The following CDH18 variants were observed in gnomAD, a reference collection of about 807,000 sequenced individuals.
CDH18 encodes cadherin 18.
In CDH18, 31 loss-of-function variants were observed where a neutral mutation model predicts 67.9. That is an observed-to-expected ratio of 0.46 (90% CI 0.34 to 0.62). The LOEUF (loss-of-function observed/expected upper bound fraction) is 0.62. Ranked by LOEUF, CDH18 falls within the 20% of genes least tolerant of loss-of-function variation. CDH18 has a pLI of 0.01. For missense variants in CDH18, 890 were observed against 975.5 expected (o/e 0.91, Z 1.17); for synonymous variants, 362 against 347.2 (o/e 1.04, Z -0.48).
At chr5:19,988,381 C>A (rs991526005), upstream of CDH18, among the ~76,000 whole-genome samples, 1 of 152,024 alleles carries the variant, frequency 6.6e-6, no homozygotes, top group Non-Finnish European at 1.5e-5. Context: ...TTCTCCCCCC[C>A]AACCCCCCAC....
intron 1 of CDH18, among the ~76,000 whole-genome samples, chr5:20,444,403 G>A (rs1749848679): frequency 6.6e-6 from 1 of 152,174 alleles, no homozygotes; most frequent in Non-Finnish European, 1.5e-5. Context: ...GGGTGTGGTG[G>A]CAGGTGCCTG....
chr5:19,634,570 T>C (rs1056527721), intron 5 of CDH18, among the ~76,000 whole-genome samples: 1 of 152,176 alleles, frequency 6.6e-6, no homozygotes, highest in African/African-American at 2.4e-5. Flanking sequence ...ATTTTTCTTA[T>C]TGTTTTATGT....
chr5:19,992,461 A>C (rs1465533551), upstream of CDH18, among the ~76,000 whole-genome samples: 1 of 151,906 alleles, frequency 6.6e-6, no homozygotes, highest in Non-Finnish European at 1.5e-5. Flanking sequence ...AAAAAAAAAA[A>C]AAACAACTGT....
chr5:20,504,898 G>C (rs910307590), intron 1 of CDH18, among the ~76,000 whole-genome samples: 20 of 150,984 alleles, frequency 1.3e-4, no homozygotes, highest in Non-Finnish European at 2.8e-4. Context: ...CTCCTGAGTA[G>C]CTGGGACTAC....
At chr5:20,095,588 GGAAGAAA>G (rs989788559) in intron 2 of CDH18, among the ~76,000 whole-genome samples, 2 of 142,232 alleles carry the variant, frequency 1.4e-5, no homozygotes, top group African/African-American at 5.2e-5. Context: ...AAGGAAGAAA[GGAAGAAA>G]GAAGAAAGAA....
intron 2 of CDH18, among the ~76,000 whole-genome samples, chr5:20,156,459 T>C (rs1165907935): frequency 1.3e-5 from 2 of 152,162 alleles, no homozygotes; most frequent in African/African-American, 4.8e-5. Context: ...CCCATTATCC[T>C]AAGAGAAATA....
At chr5:19,933,808 T>C (rs1793958081) in intron 2 of CDH18, among the ~76,000 whole-genome samples, 1 of 151,444 alleles carries the variant, frequency 6.6e-6, no homozygotes, top group South Asian at 2.1e-4. Context: ...CTTAAAATGG[T>C]GAAAAGGACC....
chr5:19,957,117 G>A lies in CDH18; in HGVS notation c.-257+23943C>T, dbSNP rs561087503. On this transcript the variant is annotated intron_variant, in intron 2 of 12. Transcript: ENST00000382275. Reference sequence around the variant, plus strand: ...GCAAAGTCCTTTTTGTATGTTTCACGTCCCATAGAATTGAGCATCTCTAAT... The same window carrying A: ...GCAAAGTCCTTTTTGTATGTTTCACATCCCATAGAATTGAGCATCTCTAAT... 3.8e-4 allele frequency among the ~76,000 whole-genome samples: 58 copies of A among 151,814 alleles called. 2 individuals carry two copies. Among genetic ancestry groups the A allele is most frequent in the Middle Eastern group, 3.4e-3 (1 of 294 alleles).
chr5:19,715,798 G>A (rs1333335599), intron 5 of CDH18, among the ~76,000 whole-genome samples: 1 of 147,918 alleles, frequency 6.8e-6, no homozygotes, highest in African/African-American at 2.5e-5. Context: ...AGTAATTTTG[G>A]AAATTCTTGT....
chr5:20,455,328 C>T (rs947093982), intron 1 of CDH18, among the ~76,000 whole-genome samples: 4 of 152,054 alleles, frequency 2.6e-5, no homozygotes, highest in Admixed American at 6.6e-5. Context: ...GGAACCATCA[C>T]TTTGCCCTCA....
At chr5:20,436,470 G>A (rs1749171088) in intron 1 of CDH18, among the ~76,000 whole-genome samples, 1 of 151,630 alleles carries the variant, frequency 6.6e-6, no homozygotes, top group Non-Finnish European at 1.5e-5. Context: ...AAATAAACAT[G>A]GTTATTATCA....
intron 1 of CDH18, among the ~76,000 whole-genome samples, chr5:20,553,295 T>C (rs1223446259): frequency 2.0e-5 from 3 of 152,148 alleles, no homozygotes; most frequent in Admixed American, 2.0e-4. Flanking sequence ...TTTTTGGTGC[T>C]ACGTAGTCTT....
At chr5:20,464,192 C>T (rs986218920) in intron 1 of CDH18, among the ~76,000 whole-genome samples, 1 of 151,906 alleles carries the variant, frequency 6.6e-6, no homozygotes, top group Non-Finnish European at 1.5e-5. Flanking sequence ...TATTGACAAA[C>T]CAATCAAAAA....
chr5:19,818,472 T>A (rs1400466291), intron 3 of CDH18, among the ~76,000 whole-genome samples: 5 of 151,544 alleles, frequency 3.3e-5, no homozygotes, highest in African/African-American at 9.7e-5. Context: ...CACGATTTTT[T>A]AAAAAGAACG....
chr5:19,994,853 T>TAGAGAGAGAGAGAGAGAGAGAG (rs776078908), intron 2 of CDH18, among the ~76,000 whole-genome samples: 1 of 53,212 alleles, frequency 1.9e-5, no homozygotes, highest in African/African-American at 9.6e-5. Context: ...TATATATATA[T>TAGAGAGAGAGAGAGAGAGAGAG]ATAGAGAGAG....
chr5:20,276,723 G>A (rs1175870866), intron 1 of CDH18, among the ~76,000 whole-genome samples: 2 of 152,186 alleles, frequency 1.3e-5, no homozygotes, highest in African/African-American at 4.8e-5. Context: ...TAGGGTCCTG[G>A]ATTCTAGGCC....
chr5:20,123,770 C>A (rs1561809605), intron 2 of CDH18, among the ~76,000 whole-genome samples: 1 of 151,800 alleles, frequency 6.6e-6, no homozygotes, highest in East Asian at 2.0e-4. Flanking sequence ...CACCTGTAGT[C>A]CCAGCTGCTC....
At chr5:20,047,324 A>G (rs1194503154) in intron 2 of CDH18, among the ~76,000 whole-genome samples, 36 of 152,034 alleles carry the variant, frequency 2.4e-4, no homozygotes, top group Non-Finnish European at 8.8e-5. Context: ...TGCTAGAAAC[A>G]TATGTTTTAC....
In CDH18 at chr5:20,193,880, G is replaced by T. The variant is rs549917442; in HGVS notation, c.-518+61564C>A. On this transcript the variant is annotated intron_variant, in intron 2 of 14. Coordinates refer to the CDH18 transcript ENST00000507958. ...GATTATCTCAACAAATGCAGAACAG[G>T]CCTTTGATAAATTCAACATGCCTTC... Among the ~76,000 whole-genome samples the T allele has an allele frequency of 4.2e-3, 640 of 152,150 alleles. 2 individuals are homozygous for T. The highest frequency in any genetic ancestry group is 6.8e-3 in the Non-Finnish European group (460 of 67,982).
Sources: allele counts gnomAD v4.1 joint callset (sites outside exome capture counted in the v4.1 genomes callset), GRCh38; gene constraint gnomAD v4.1.1; transcripts MANE v1.5; gene names NCBI Gene and HGNC (gene_info 2026-07-23, HGNC 2026-07-21).